Variants in SEMA6D observed in about 807,000 individuals in gnomAD.
SEMA6D encodes the protein semaphorin 6D, also known as semaphorin-6D.
Under a neutral mutation model 106.6 loss-of-function variants are expected in SEMA6D, and 35 were observed. The ratio of observed to expected loss-of-function variants is 0.33; its 90% confidence interval spans 0.25 to 0.44. SEMA6D has a LOEUF of 0.44. Among genes scored for constraint, SEMA6D ranks in the 20% least tolerant of loss-of-function variants. The probability of loss-of-function intolerance (pLI) is 1.00; values close to 1 mark genes in which losing one functional copy is unlikely to be tolerated. For missense variants in SEMA6D, 1,185 were observed against 1,345.9 expected, an observed-to-expected ratio of 0.88 and a Z score of 1.87; for synonymous variants, 499 against 487.7, an observed-to-expected ratio of 1.02 and a Z score of -0.31.
intron 8 of SEMA6D, among the ~76,000 whole-genome samples, chr15:47,762,551 A>G (rs1007359073): frequency 3.3e-5 from 5 of 152,108 alleles, no homozygotes; most frequent in Non-Finnish European, 5.9e-5. Context: ...CAAAAAAAAA[A>G]GGGGAGATTT....
At chr15:47,482,708 A>T (rs563101206) in intron 3 of SEMA6D, among the ~76,000 whole-genome samples, 1 of 152,316 alleles carries the variant, frequency 6.6e-6, no homozygotes, top group South Asian at 2.1e-4. Context: ...AAGCTAAGCG[A>T]CTACAAAGAG....
chr15:47,422,029 A>G (rs2140417014), intron 2 of SEMA6D, among the ~76,000 whole-genome samples: 1 of 152,156 alleles, frequency 6.6e-6, no homozygotes, highest in African/African-American at 2.4e-5. Flanking sequence ...ATGTTTAAGA[A>G]CTAGGAAGAC....
intron 4 of SEMA6D, among the ~76,000 whole-genome samples, chr15:47,637,340 C>T (rs2573568): frequency 0.063 from 9,635 of 152,228 alleles, 458 homozygotes; most frequent in East Asian, 0.2. Flanking sequence ...ACCCATGTTT[C>T]GTTCATCACC....
chr15:47,715,291 T>G (rs1314866802), upstream of SEMA6D, among the ~76,000 whole-genome samples: 2 of 152,078 alleles, frequency 1.3e-5, no homozygotes, highest in East Asian at 3.9e-4. Flanking sequence ...GTTAAAAGGT[T>G]AAAAGTGTGT....
At chr15:47,476,030 G>A (rs1297510692) in intron 3 of SEMA6D, among the ~76,000 whole-genome samples, 4 of 152,164 alleles carry the variant, frequency 2.6e-5, no homozygotes, top group Non-Finnish European at 4.4e-5. Flanking sequence ...TGAAACCTGT[G>A]CCACAGGGGA....
intron 4 of SEMA6D, among the ~76,000 whole-genome samples, chr15:47,699,722 C>T (rs1566996887): frequency 1.3e-5 from 2 of 152,208 alleles, no homozygotes; most frequent in Admixed American, 6.5e-5. Context: ...AAATTCAAGA[C>T]ATTTCACTTT....
intron 1 of SEMA6D, among the ~76,000 whole-genome samples, chr15:47,303,660 T>G (rs1303695374): frequency 1.3e-5 from 2 of 152,222 alleles, no homozygotes; most frequent in South Asian, 2.1e-4. Context: ...TGTCTGGCAT[T>G]TAGTGGAAAT....
intron 1 of SEMA6D, among the ~76,000 whole-genome samples, chr15:47,407,409 C>CAAAAACAAAAAA (rs2040626684): frequency 1.7e-5 from 2 of 118,866 alleles, no homozygotes; most frequent in African/African-American, 3.0e-5. Context: ...ACAACAACAA[C>CAAAAACAAAAAA]AAAAAAAACA....
chr15:47,320,113 T>G (rs921183299), intron 1 of SEMA6D, among the ~76,000 whole-genome samples: 2 of 152,184 alleles, frequency 1.3e-5, no homozygotes, highest in Admixed American at 1.3e-4. Context: ...GTGGTATCTT[T>G]CAAGCTCCTT....
chr15:47,265,995 A>G (rs1380267347), intron 1 of SEMA6D, among the ~76,000 whole-genome samples: 1 of 151,998 alleles, frequency 6.6e-6, no homozygotes, highest in African/African-American at 2.4e-5. Context: ...TGATTCTTCT[A>G]TTGTCTGGAA....
intron 1 of SEMA6D, among the ~76,000 whole-genome samples, chr15:47,317,533 T>C (rs555444075): frequency 6.6e-6 from 1 of 152,318 alleles, no homozygotes; most frequent in Admixed American, 6.5e-5. Context: ...TAGCATTTCT[T>C]ACAAGGCAGG....
chr15:47,351,022 A>C (rs531537698), intron 1 of SEMA6D, among the ~76,000 whole-genome samples: 4 of 152,292 alleles, frequency 2.6e-5, no homozygotes, highest in Non-Finnish European at 5.9e-5. Context: ...TGATATTAGC[A>C]GTTCAGCCTG....
At chr15:47,604,988 G>A (rs948078156) in intron 4 of SEMA6D, among the ~76,000 whole-genome samples, 2 of 152,040 alleles carry the variant, frequency 1.3e-5, no homozygotes, top group African/African-American at 4.8e-5. Context: ...TTACAGGCGT[G>A]AGCCACTGCA....
chr15:47,640,801 G>A (rs1372370384), intron 4 of SEMA6D, among the ~76,000 whole-genome samples: 1 of 151,502 alleles, frequency 6.6e-6, no homozygotes, highest in Admixed American at 6.6e-5. Context: ...AAAGGAATAT[G>A]ATATTAACGT....
intron 1 of SEMA6D, among the ~76,000 whole-genome samples, chr15:47,747,883 C>G (rs1283129817): frequency 6.6e-6 from 1 of 152,216 alleles, no homozygotes; most frequent in Non-Finnish European, 1.5e-5. Context: ...ATTAGGCAAG[C>G]TGATTTTCAT....
intron 1 of SEMA6D, among the ~76,000 whole-genome samples, chr15:47,339,575 A>G (rs952653510): frequency 1.3e-5 from 2 of 152,170 alleles, no homozygotes; most frequent in Non-Finnish European, 2.9e-5. Flanking sequence ...AAAATGCTAT[A>G]AAGAAAAATT....
At chr15:47,558,521 T>C (rs1596316180) in intron 3 of SEMA6D, among the ~76,000 whole-genome samples, 1 of 151,634 alleles carries the variant, frequency 6.6e-6, no homozygotes, top group East Asian at 1.9e-4. Flanking sequence ...ATTTGAAAAA[T>C]AGTGTGAATT....
chr15:47,638,711 G>A (rs959810809), intron 4 of SEMA6D, among the ~76,000 whole-genome samples: 8 of 152,148 alleles, frequency 5.3e-5, no homozygotes, highest in Admixed American at 3.9e-4. Context: ...AATTTGGATT[G>A]GCACATGACA....
chr15:47,360,429 A>T (rs2038760691), intron 1 of SEMA6D, among the ~76,000 whole-genome samples: 1 of 152,242 alleles, frequency 6.6e-6, no homozygotes, highest in Non-Finnish European at 1.5e-5. Context: ...AATACAAGGT[A>T]GGTAAAATTT....
Sources: gnomAD v4.1 joint callset for allele counts (sites outside exome capture counted in the v4.1 genomes callset) on GRCh38, gnomAD v4.1.1 for gene constraint, MANE v1.5 for transcripts, NCBI Gene and HGNC (gene_info 2026-07-23, HGNC 2026-07-21) for gene names.